The following TMPRSS11D variants were observed in gnomAD, a reference collection of about 807,000 sequenced individuals.
TMPRSS11D encodes the protein transmembrane protease serine 11D.
Under a neutral mutation model 44.4 loss-of-function variants are expected in TMPRSS11D, and 32 were observed. The ratio of observed to expected loss-of-function variants is 0.72; its 90% CI spans 0.54 to 0.97. The LOEUF (loss-of-function observed/expected upper bound fraction) is 0.97. Among genes scored for constraint, TMPRSS11D ranks in the 50% least tolerant of loss-of-function variants. The pLI is 0.00. For synonymous variants in TMPRSS11D, 179 were observed against 177.9 expected, an observed-to-expected ratio of 1.01 and a Z score of -0.05; for missense variants, 446 against 502.6, an observed-to-expected ratio of 0.89 and a Z score of 1.08.
chr4:67,838,215 A>G lies in TMPRSS11D; in HGVS notation c.432T>C (p.Asn144=), dbSNP rs753850650. Residue 144 remains asparagine, a synonymous_variant, in exon 5 of 10, where the codon AAT becomes AAC. Coordinates refer to ENST00000283916, the MANE Select transcript of TMPRSS11D (RefSeq NM_004262.3). The stretch of plus-strand genomic sequence containing the variant: ...GGTTTATTTCCAGGTTTCCAGAGTT[A>G]TTCAGCATTTGTCGTAAAACAGACT... ...RIESVLRQML[N]NSGNLEINPS... The G allele has an allele frequency of 4.3e-5, 69 of 1,592,214 alleles. No homozygotes were observed. Among genetic ancestry groups the G allele is most frequent in the Non-Finnish European group, 5.6e-5 (66 of 1,171,190 alleles).
intron 1 of TMPRSS11D, among the ~76,000 whole-genome samples, chr4:67,863,955 G>A (rs1184983938): frequency 6.6e-6 from 1 of 151,940 alleles, no homozygotes; most frequent in East Asian, 1.9e-4. Flanking sequence ...TAGTCCCCCT[G>A]CGACATGTTG....
At chr4:67,860,058 C>T (rs1542664) in intron 1 of TMPRSS11D, among the ~76,000 whole-genome samples, 98,907 of 151,850 alleles carry the variant, frequency 0.65, 33,343 homozygotes, top group Non-Finnish European at 0.75. Flanking sequence ...TCAACCTTGC[C>T]TGGGCACCAT....
Position 67,827,650 on chromosome 4 carries a change from T to G in TMPRSS11D, c.693-130A>C, listed in dbSNP as rs2109658477. 2.9e-6 allele frequency: 3 copies of G among 1,045,962 alleles called. No homozygotes were observed. In the South Asian group the frequency reaches 6.1e-5, roughly 21 times the overall value. The allele number at this position is 1,045,962 out of a possible 1,614,324, so 64.8% of individuals were successfully genotyped here. A position where few individuals can be genotyped will look rare whatever the true frequency, so the allele number is the denominator to read the frequency against. Reference sequence around the variant, plus strand: ...TCCACATCTCTTTGCTATATTTTCCTGCATTATAAGCTGGCAAGTGAGTTT... The same window carrying G: ...TCCACATCTCTTTGCTATATTTTCCGGCATTATAAGCTGGCAAGTGAGTTT... On this transcript the variant is annotated intron_variant, in intron 7 of 9. Coordinates refer to ENST00000283916, the MANE Select transcript of TMPRSS11D (RefSeq NM_004262.3).
chr4:67,833,416 C>T, intron 6 of TMPRSS11D, 35 bp from the exon 7 acceptor site: 1 of 1,390,568 alleles, frequency 7.2e-7, no homozygotes, highest in Non-Finnish European at 9.4e-7. Flanking sequence ...CTGGGAAGAT[C>T]ATGATTCCTT....
At chr4:67,854,914 A>G (rs1203761011) in intron 2 of TMPRSS11D, among the ~76,000 whole-genome samples, 1 of 152,226 alleles carries the variant, frequency 6.6e-6, no homozygotes, top group Non-Finnish European at 1.5e-5. Context: ...AACTCATTCT[A>G]TGAAGCCAGT....
chr4:67,860,960 A>G (rs1323271918), intron 1 of TMPRSS11D, among the ~76,000 whole-genome samples: 1 of 152,096 alleles, frequency 6.6e-6, no homozygotes, highest in African/African-American at 2.4e-5. Flanking sequence ...TGGCACTGGA[A>G]CTAGTAACAT....
intron 1 of TMPRSS11D, among the ~76,000 whole-genome samples, chr4:67,868,613 T>A (rs1317507272): frequency 6.6e-6 from 1 of 152,068 alleles, no homozygotes; most frequent in Admixed American, 6.6e-5. Context: ...GTTGGCCCAG[T>A]GTGGTGGTTA....
chr4:67,859,059 T>C (rs1434596383), intron 2 of TMPRSS11D, among the ~76,000 whole-genome samples: 1 of 152,158 alleles, frequency 6.6e-6, no homozygotes, highest in African/African-American at 2.4e-5. Flanking sequence ...ATCCTAACTG[T>C]TAGGCTTGTA....
chr4:67,870,570 T>C (rs945206933), intron 1 of TMPRSS11D, among the ~76,000 whole-genome samples: 2 of 151,876 alleles, frequency 1.3e-5, no homozygotes, highest in Admixed American at 1.3e-4. Flanking sequence ...ATCCCAGCAC[T>C]TGGGGAGGCT....
intron 7 of TMPRSS11D, 125 bp from the exon 8 acceptor site, chr4:67,827,645 T>C (rs1717837627): frequency 1.9e-6 from 2 of 1,075,438 alleles, no homozygotes; most frequent in African/African-American, 3.2e-5. Flanking sequence ...TTTGCTATAT[T>C]TTCCTGCATT....
chr4:67,845,739 C>T (rs534239050), intron 3 of TMPRSS11D, among the ~76,000 whole-genome samples: 30 of 152,164 alleles, frequency 2.0e-4, no homozygotes, highest in South Asian at 6.2e-4. Context: ...ATTGAGGTGA[C>T]AATATTATTT....
At chr4:67,872,670 A>G (rs1719085649) in intron 1 of TMPRSS11D, among the ~76,000 whole-genome samples, 1 of 152,222 alleles carries the variant, frequency 6.6e-6, no homozygotes. Flanking sequence ...TAGTGGAATA[A>G]CAAAATTACC....
At chr4:67,868,126 TA>T (rs1560548642) in intron 1 of TMPRSS11D, among the ~76,000 whole-genome samples, 1 of 146,880 alleles carries the variant, frequency 6.8e-6, no homozygotes, top group Non-Finnish European at 1.5e-5. Flanking sequence ...TACTCAACCA[TA>T]AAAGGAATAA....
In TMPRSS11D at chr4:67,824,068, G is replaced by T. The variant is rs75687035; in HGVS notation, c.1096-1570C>A. On this transcript the variant is annotated intron_variant, in intron 9 of 9. Coordinates refer to ENST00000283916, the MANE Select transcript of TMPRSS11D (RefSeq NM_004262.3). Reference sequence around the variant, plus strand: ...ATTAATATAATTCCTTTGAATTAATGATTGTAAAAATGAACAAAAGAATGG... The same window carrying T: ...ATTAATATAATTCCTTTGAATTAATTATTGTAAAAATGAACAAAAGAATGG... Among the ~76,000 whole-genome samples, 507 of 151,422 alleles carry T rather than the reference G, an allele frequency of 3.3e-3. 2 individuals carry two copies. The highest frequency in any genetic ancestry group is 9.4e-3 in the South Asian group (45 of 4,786).
chr4:67,832,742 A>C (rs1163964972), intron 7 of TMPRSS11D, among the ~76,000 whole-genome samples: 1 of 150,822 alleles, frequency 6.6e-6, no homozygotes, highest in Non-Finnish European at 1.5e-5. Context: ...GGCATGGGGC[A>C]GTCTCTAGGT....
In TMPRSS11D at chr4:67,842,627, T is replaced by G. The variant is rs1464592018; in HGVS notation, c.250-2A>C. 2 of 1,606,442 alleles carry G rather than the reference T, an allele frequency of 1.2e-6. No homozygotes were observed. Among genetic ancestry groups the G allele is most frequent in the East Asian group, 2.2e-5 (1 of 44,722 alleles). ...TGATTCTTTGAATGTTTTAGTAATC[T>G]GTAGAAAGAAAGAGAGGGGGAATCT... On this transcript the variant is annotated splice_acceptor_variant, in intron 3 of 9. Coordinates refer to ENST00000283916, the MANE Select transcript of TMPRSS11D (RefSeq NM_004262.3). LOFTEE classifies it high-confidence loss of function.
rs543421968 is a variant in TMPRSS11D at position 67,846,880 on chromosome 4, C to T, written c.250-4255G>A. ...GCTAAACATATTTTCATAGTCTTCT[C>T]TCTATAGCATGAATTTTATCTAAAA... On this transcript the variant is annotated intron_variant, in intron 3 of 9. Coordinates refer to ENST00000283916, the MANE Select transcript of TMPRSS11D (RefSeq NM_004262.3). Among the ~76,000 whole-genome samples the T allele has an allele frequency of 3.3e-5, 5 of 150,296 alleles. No homozygotes were observed. In the South Asian group the frequency reaches 6.4e-4, roughly 19 times the overall value.
At position 67,821,004 on chromosome 4, in the gene TMPRSS11D, A is replaced by G. The variant is rs1007528752; in HGVS notation, c.*1333T>C. On this transcript the variant is annotated 3_prime_UTR_variant, in exon 10 of 10. Transcript: ENST00000283916. ...TGGCTTTATTGTAGGTGTTTGCACA[A>G]TTTTACATCAGGAAATACAAGAAGT... 3 of 152,230 alleles carry G rather than the reference A, an allele frequency of 2.0e-5. No homozygotes were observed. The East Asian group carries it at 5.8e-4, about 29-fold the overall frequency. 9.4% of individuals were successfully genotyped at this position (152,230 alleles called of 1,614,324 possible).
rs1199794803 is a variant in TMPRSS11D, at chr4:67,852,244, C to T, written c.249+1824G>A. Among the ~76,000 whole-genome samples, 7 of 152,240 alleles carry T rather than the reference C, an allele frequency of 4.6e-5. No individual in the cohort carries two copies. In the East Asian group the frequency reaches 5.8e-4, roughly 13 times the overall value. On this transcript the variant is annotated intron_variant, in intron 3 of 9. Coordinates refer to ENST00000283916, the MANE Select transcript of TMPRSS11D (RefSeq NM_004262.3). ...TAGCCCTAGGAAGCAAACTCTAAAA[C>T]GTAGTTAGAGTTGGAAACCGTCCTG... is the stretch of plus-strand genomic sequence containing the variant.
Sources: gnomAD v4.1 joint callset for allele counts (sites outside exome capture counted in the v4.1 genomes callset) on GRCh38, gnomAD v4.1.1 for gene constraint, MANE v1.5 for transcripts, NCBI Gene and HGNC (gene_info 2026-07-23, HGNC 2026-07-21) for gene names.